DNAJC15: variants seen among roughly 807,000 people sequenced by gnomAD.
DNAJC15 encodes dnaJ homolog subfamily C member 15.
A neutral mutation model predicts 22.4 loss-of-function variants in DNAJC15; 27 were observed. The ratio of observed to expected loss-of-function variants is 1.20; its 90% CI spans 0.89 to 1.66. The LOEUF is 1.66. Among genes scored for constraint, DNAJC15 ranks in the 40% most tolerant of loss-of-function variants. DNAJC15 has a pLI of 0.00. For missense variants in DNAJC15, 208 were observed against 187.1 expected, an observed-to-expected ratio of 1.11 and a Z score of -0.65; for synonymous variants, 79 against 63.2, an observed-to-expected ratio of 1.25 and a Z score of -1.19.
intron 5 of DNAJC15, among the ~76,000 whole-genome samples, chr13:43,101,239 G>A (rs1450264952): frequency 6.6e-6 from 1 of 152,084 alleles, no homozygotes; most frequent in African/African-American, 2.4e-5. Flanking sequence ...TATTGCTCAG[G>A]CTAGCCTCAA....
chr13:43,055,755 A>G (rs74786802), intron 1 of DNAJC15, among the ~76,000 whole-genome samples: 1,543 of 151,606 alleles, frequency 0.01, 18 homozygotes, highest in South Asian at 0.034. Context: ...CCTTCTTTCT[A>G]TTCTCTTGCT....
chr13:43,034,786 C>A (rs1252930646), intron 1 of DNAJC15, among the ~76,000 whole-genome samples: 5 of 152,134 alleles, frequency 3.3e-5, no homozygotes, highest in African/African-American at 1.2e-4. Context: ...CTTTGACATA[C>A]CCCCAACGTT....
chr13:43,084,417 A>G (rs1047665233), intron 4 of DNAJC15, among the ~76,000 whole-genome samples: 3 of 152,204 alleles, frequency 2.0e-5, no homozygotes, highest in Non-Finnish European at 2.9e-5. Context: ...GAGTTTAAGC[A>G]AGACATACTT....
intron 1 of DNAJC15, among the ~76,000 whole-genome samples, chr13:43,025,071 A>C (rs76967284): frequency 0.014 from 2,086 of 151,974 alleles, 26 homozygotes; most frequent in Middle Eastern, 0.034. Context: ...AACAAAGAAA[A>C]AAAAATGAGG....
At chr13:43,059,197 T>A (rs1219272396) in intron 1 of DNAJC15, among the ~76,000 whole-genome samples, 1 of 152,136 alleles carries the variant, frequency 6.6e-6, no homozygotes, top group East Asian at 1.9e-4. Context: ...TTGTTTTTCC[T>A]TCTGTAAAAT....
chr13:43,031,575 T>G (rs2040404080), intron 1 of DNAJC15, among the ~76,000 whole-genome samples: 1 of 152,234 alleles, frequency 6.6e-6, no homozygotes, highest in South Asian at 2.1e-4. Flanking sequence ...ATAAGAGTGA[T>G]GATAGCTGAA....
intron 3 of DNAJC15, among the ~76,000 whole-genome samples, chr13:43,072,783 T>G (rs1379412965): frequency 2.6e-5 from 4 of 152,136 alleles, no homozygotes; most frequent in African/African-American, 9.7e-5. Flanking sequence ...AGGCTGGTCT[T>G]GAGCTTCTGA....
chr13:43,051,070 G>A (rs1178221240), intron 1 of DNAJC15, among the ~76,000 whole-genome samples: 1 of 152,118 alleles, frequency 6.6e-6, no homozygotes, highest in Non-Finnish European at 1.5e-5. Context: ...CGCCTCCCAG[G>A]TTCAAGGGAT....
At chr13:43,083,041 C>A (rs2040670482) in intron 4 of DNAJC15, among the ~76,000 whole-genome samples, 1 of 151,670 alleles carries the variant, frequency 6.6e-6, no homozygotes, top group Non-Finnish European at 1.5e-5. Context: ...GCATAGTAAT[C>A]CTTTATAATA....
chr13:43,062,166 A>C (rs866856771), intron 1 of DNAJC15, among the ~76,000 whole-genome samples: 6 of 152,324 alleles, frequency 3.9e-5, no homozygotes, highest in Middle Eastern at 3.4e-3. Flanking sequence ...GACTAGCAGC[A>C]CTTGGAAACT....
intron 2 of DNAJC15, among the ~76,000 whole-genome samples, chr13:43,068,191 C>T (rs2040592404): frequency 6.6e-6 from 1 of 152,102 alleles, no homozygotes; most frequent in Non-Finnish European, 1.5e-5. Context: ...TAGTAGAAGA[C>T]ACAATCTGAT....
chr13:43,033,237 GA>G (rs1207827245), intron 1 of DNAJC15, among the ~76,000 whole-genome samples: 1 of 152,178 alleles, frequency 6.6e-6, no homozygotes, highest in Non-Finnish European at 1.5e-5. Context: ...ACAATATAGT[GA>G]GACCCCATTT....
rs531818240 is a variant in DNAJC15, at chr13:43,085,781, A to C, written c.325A>C (p.Lys109Gln). ...LILGVSPSAG[K>Q]AKIRTAHRRV... ...TTCTTTTTACAGCCCATCTGCTGGC[A>C]AGGCTAAGATTAGAACAGCTCATAG... The change falls in exon 5 of 6, where the codon AAG becomes CAG. Residue 109 changes from lysine to glutamine, a missense_variant. Physicochemically the swap from Lys to Gln is moderately conservative, Grantham distance 53. Transcript: ENST00000379221. The C allele has an allele frequency of 1.2e-6, 2 of 1,612,712 alleles. No individual in the cohort carries two copies. The highest frequency in any genetic ancestry group is 1.7e-6 in the Non-Finnish European group (2 of 1,179,638).
At chr13:43,044,799 A>G (rs1398741543) in intron 1 of DNAJC15, among the ~76,000 whole-genome samples, 1 of 151,690 alleles carries the variant, frequency 6.6e-6, no homozygotes, top group Non-Finnish European at 1.5e-5. Context: ...TCCGAACTCT[A>G]TCTAGTATCT....
At chr13:43,059,779 A>G (rs1347686177) in intron 1 of DNAJC15, among the ~76,000 whole-genome samples, 1 of 152,234 alleles carries the variant, frequency 6.6e-6, no homozygotes, top group Non-Finnish European at 1.5e-5. Context: ...GAGAGTCAGC[A>G]AAGGGTGGTG....
chr13:43,054,511 C>G (rs2040520225), intron 1 of DNAJC15, among the ~76,000 whole-genome samples: 2 of 152,242 alleles, frequency 1.3e-5, no homozygotes, highest in Middle Eastern at 6.8e-3. Flanking sequence ...TGACAAAATT[C>G]AGCTGTAAAT....
intron 1 of DNAJC15, among the ~76,000 whole-genome samples, chr13:43,061,266 A>C (rs2040557666): frequency 6.6e-6 from 1 of 151,954 alleles, no homozygotes; most frequent in African/African-American, 2.4e-5. Flanking sequence ...TCAGTGGGGG[A>C]GTGGGTGGGA....
chr13:43,057,343 A>G (rs970848052), intron 1 of DNAJC15, among the ~76,000 whole-genome samples: 3 of 152,010 alleles, frequency 2.0e-5, no homozygotes, highest in African/African-American at 7.2e-5. Flanking sequence ...TCAGTTTGAA[A>G]GCCTTGTCTT....
chr13:43,100,512 C>T (rs748937927), intron 5 of DNAJC15, among the ~76,000 whole-genome samples: 3 of 152,038 alleles, frequency 2.0e-5, no homozygotes, highest in Admixed American at 6.6e-5. Flanking sequence ...TGTGCCCAGC[C>T]GTCTTCTTTT....
Sources: gnomAD v4.1 joint callset for allele counts (sites outside exome capture counted in the v4.1 genomes callset) on GRCh38, gnomAD v4.1.1 for gene constraint, MANE v1.5 for transcripts, NCBI Gene and HGNC (gene_info 2026-07-23, HGNC 2026-07-21) for gene names.